CABIN1: variants seen among roughly 807,000 people sequenced by gnomAD.
CABIN1 encodes calcineurin-binding protein cabin-1.
A neutral mutation model predicts 227.7 loss-of-function variants in CABIN1; 133 were observed. The observed-to-expected ratio is 0.58, with a 90% CI of 0.51 to 0.67. The LOEUF (loss-of-function observed/expected upper bound fraction) is 0.67, where lower values mean the gene tolerates loss of function less well. Ranked by LOEUF, CABIN1 falls within the 30% of genes least tolerant of loss-of-function variation. The pLI, the probability that CABIN1 is intolerant of heterozygous loss-of-function variation, is 0.00. For synonymous variants in CABIN1, 1,086 were observed against 1,155.1 expected (o/e 0.94, Z 1.21); for missense variants, 2,408 against 2,852.5 (o/e 0.84, Z 3.55).
intron 23 of CABIN1, 109 bp downstream of exon 23, chr22:24,087,822 A>C: frequency 7.2e-7 from 1 of 1,396,398 alleles, no homozygotes; most frequent in Non-Finnish European, 9.9e-7. Flanking sequence ...CCACACATCC[A>C]TGCTGGGAGC....
chr22:24,066,060 G>GT (rs2039654811), intron 15 of CABIN1, among the ~76,000 whole-genome samples: 1 of 152,154 alleles, frequency 6.6e-6, no homozygotes, highest in Admixed American at 6.5e-5. Context: ...GGGAGAGGGA[G>GT]TGAAAGGTTT....
intron 33 of CABIN1, chr22:24,169,981 A>C (rs969578019): frequency 5.5e-5 from 20 of 363,848 alleles, no homozygotes; most frequent in Non-Finnish European, 1.1e-5. Flanking sequence ...GGGGGTGGCC[A>C]GAGCCAGGGG....
intron 17 of CABIN1, among the ~76,000 whole-genome samples, chr22:24,071,498 C>T (rs1465524035): frequency 6.6e-6 from 1 of 152,074 alleles, no homozygotes; most frequent in East Asian, 1.9e-4. Context: ...ACTCTGGGCT[C>T]TCTCCTCAAT....
At chr22:24,135,019 G>A (rs2044308360) in intron 29 of CABIN1, among the ~76,000 whole-genome samples, 1 of 151,974 alleles carries the variant, frequency 6.6e-6, no homozygotes, top group Non-Finnish European at 1.5e-5. Flanking sequence ...GGAGGTTGCG[G>A]TGAGCCGAGA....
intron 8 of CABIN1, 37 bp downstream of exon 8, chr22:24,051,011 C>A (rs1457463164): frequency 6.2e-7 from 1 of 1,613,292 alleles, no homozygotes; most frequent in Non-Finnish European, 8.5e-7. Context: ...GCTGGGTCGG[C>A]CAGTAGGCCC....
At chr22:24,160,119 C>T (rs892263632) in intron 29 of CABIN1, among the ~76,000 whole-genome samples, 1 of 152,140 alleles carries the variant, frequency 6.6e-6, no homozygotes, top group Non-Finnish European at 1.5e-5. Context: ...GTCACCTGAA[C>T]TCAGTTTCCC....
chr22:24,161,975 G>A (rs1400266817), intron 29 of CABIN1: 1 of 152,266 alleles, frequency 6.6e-6, no homozygotes, highest in Admixed American at 6.5e-5. Context: ...GGCTGCTGTG[G>A]CTACTGCCCC....
rs112863489 is a variant in CABIN1 at position 24,174,373 on chromosome 22, C to T, written c.6041-1738C>T. Among the ~76,000 whole-genome samples, 633 of 152,314 alleles carry T rather than the reference C, an allele frequency of 4.2e-3. 4 individuals carry two copies. The highest frequency in any genetic ancestry group is 6.8e-3 in the Admixed American group (104 of 15,300). On this transcript the variant is annotated intron_variant, in intron 34 of 36. Coordinates refer to ENST00000263119, the MANE Select transcript of CABIN1 (RefSeq NM_012295.4). ...TAAACTCCTGGGCTCAGGAGATCCA[C>T]TCGCCTCAGCCTCCCAAAGTGCTGG...
intron 10 of CABIN1, 135 bp downstream of exon 10, chr22:24,056,495 G>T: frequency 1.1e-6 from 1 of 881,842 alleles, no homozygotes. Flanking sequence ...CTGTGCAGAT[G>T]TCTGAAGCAC....
At chr22:24,093,031 T>C (rs2041652964) in intron 24 of CABIN1, among the ~76,000 whole-genome samples, 1 of 152,170 alleles carries the variant, frequency 6.6e-6, no homozygotes, top group Admixed American at 6.5e-5. Context: ...CTTCTTGCTA[T>C]GACAAGGCAC....
In CABIN1 at chr22:24,177,633, C is replaced by T. The variant is rs780085211; in HGVS notation, c.6335C>T (p.Pro2112Leu). 1.2e-6 allele frequency: 2 copies of T among 1,613,650 alleles called. No homozygotes were observed. The highest frequency in any genetic ancestry group is 1.7e-5 in the Admixed American group (1 of 60,008). Residue 2112 changes from proline (P) to leucine (L), a missense_variant, in exon 36 of 37, where the codon CCA becomes CTA. Coordinates refer to ENST00000263119, the MANE Select transcript of CABIN1 (RefSeq NM_012295.4). The surrounding 1 kb of genome is among the most constrained non-coding windows in gnomAD (Gnocchi z 4.4). The stretch of plus-strand genomic sequence containing the variant: ...CCCAGCAGTGGGAGTGCCCAGCCAC[C>T]AGAGGGTCACCCAGGCAAGCCTGAG... ...KAPSSGSAQP[P>L]EGHPGKPEPS...
chr22:24,012,877 C>T (rs1202592501), intron 1 of CABIN1, among the ~76,000 whole-genome samples: 1 of 151,974 alleles, frequency 6.6e-6, no homozygotes, highest in Non-Finnish European at 1.5e-5. Context: ...TCTCCTGTCT[C>T]GGCCTCCCGA....
intron 29 of CABIN1, among the ~76,000 whole-genome samples, chr22:24,139,339 C>T (rs938594342): frequency 1.3e-5 from 2 of 152,114 alleles, no homozygotes; most frequent in African/African-American, 4.8e-5. Context: ...CTTTGGTAGG[C>T]AGAGGTGGGT....
At chr22:24,103,618 CTG>C (rs2042340090) in intron 26 of CABIN1, among the ~76,000 whole-genome samples, 1 of 152,146 alleles carries the variant, frequency 6.6e-6, no homozygotes, top group African/African-American at 2.4e-5. Flanking sequence ...GTGGGAGAGA[CTG>C]TAAGTGGAGC....
rs1372468344 is a variant in CABIN1 at position 24,113,430 on chromosome 22, G to T, written c.4118-136G>T. 1.3e-5 allele frequency: 11 copies of T among 837,588 alleles called. No homozygotes were observed. In the East Asian group the frequency reaches 2.2e-4, roughly 17 times the overall value. The allele number at this position is 837,588 out of a possible 1,614,324, so 51.9% of individuals were successfully genotyped here. A position where few individuals can be genotyped will look rare whatever the true frequency, so the allele number is the denominator to read the frequency against. On this transcript the variant is annotated intron_variant, in intron 26 of 36. Coordinates refer to ENST00000263119, the MANE Select transcript of CABIN1 (RefSeq NM_012295.4). ...GGGATGGGTTGGGCCCAGCAGTGTC[G>T]AATGGCTGTGTTCAGGCCATCTCCT...
chr22:24,052,470 C>CTT (rs782205115), intron 8 of CABIN1, among the ~76,000 whole-genome samples: 150 of 146,604 alleles, frequency 1.0e-3, no homozygotes, highest in Middle Eastern at 3.5e-3. Flanking sequence ...CTTTTTCTTT[C>CTT]TTTTTTTTTT....
At chr22:24,075,783 A>G (rs981409047) in intron 18 of CABIN1, among the ~76,000 whole-genome samples, 23 of 152,048 alleles carry the variant, frequency 1.5e-4, no homozygotes, top group Non-Finnish European at 3.2e-4. Flanking sequence ...AAGAAATGGC[A>G]TGTGTAGTAT....
chr22:24,106,003 A>G (rs534283098), intron 26 of CABIN1, among the ~76,000 whole-genome samples: 11 of 152,348 alleles, frequency 7.2e-5, no homozygotes, highest in African/African-American at 1.4e-4. Context: ...TGGAGGAGGT[A>G]GGACTGGAGC....
At position 24,119,810 on chromosome 22, in the gene CABIN1, G is replaced by A; in HGVS notation, c.4632+112G>A. ...TGGAGCTTCACGGTAGCAGCACATG[G>A]GAGGGATGGGCGAGGAGAGCTGCAG... On this transcript the variant is annotated intron_variant, in intron 28 of 36. Transcript: ENST00000263119. 6 of 1,070,228 alleles carry A rather than the reference G, an allele frequency of 5.6e-6. No homozygotes were observed. In the South Asian group the frequency reaches 7.6e-5, roughly 14 times the overall value. The allele number at this position is 1,070,228 out of a possible 1,614,324, so 66.3% of individuals were successfully genotyped here. A position where few individuals can be genotyped will look rare whatever the true frequency, so the allele number is the denominator to read the frequency against.
Sources: gnomAD v4.1 joint callset for allele counts (sites outside exome capture counted in the v4.1 genomes callset) on GRCh38, gnomAD v4.1.1 for gene constraint, Gnocchi (gnomAD v3.1) non-coding constraint, MANE v1.5 for transcripts, NCBI Gene and HGNC (gene_info 2026-07-23, HGNC 2026-07-21) for gene names.